ERICH2: variants seen among roughly 807,000 people sequenced by gnomAD.
The protein encoded by ERICH2 is glutamate-rich protein 2.
ERICH2 carries 17 observed loss-of-function variants against 17.4 expected under a neutral mutation model. The observed-to-expected ratio is 0.98, with a 90% CI of 0.67 to 1.47. ERICH2 has a LOEUF of 1.47. Ranked by LOEUF, ERICH2 falls within the 40% of genes most tolerant of loss-of-function variation. ERICH2 has a pLI of 0.00. For synonymous variants in ERICH2, 51 were observed against 61.1 expected, an observed-to-expected ratio of 0.83 and a Z score of 0.77; for missense variants, 186 against 183.2, an observed-to-expected ratio of 1.01 and a Z score of -0.09.
Position 170,795,372 on chromosome 2 carries a change from C to T in ERICH2, c.274+2452C>T, listed in dbSNP as rs541807383. On this transcript the variant is annotated intron_variant, in intron 3 of 4. Transcript: ENST00000409885. ...TATTATTATTACTATTTTTGAGGCA[C>T]GGTCTCACTCTGTCACCCAGGCTGG... 7.2e-4 allele frequency among the ~76,000 whole-genome samples: 106 copies of T among 147,466 alleles called. 1 individual carries two copies. The highest frequency in any genetic ancestry group is 2.5e-3 in the African/African-American group (101 of 40,032).
chr2:170,771,268 C>A, the ERICH2 span: 9 of 153,110 alleles, frequency 5.9e-5, no homozygotes, highest in African/African-American at 1.4e-4. The surrounding 1 kb of genome is among the most constrained non-coding windows in gnomAD (Gnocchi z 4.8). Context: ...AGCAGACCAC[C>A]CCCAGACCGG....
At position 170,796,428 on chromosome 2, in the gene ERICH2, G is replaced by GTTTT. The variant is rs869301301; in HGVS notation, c.275-1605_275-1602dup. 1.5e-3 allele frequency among the ~76,000 whole-genome samples: 177 copies of GTTTT among 114,544 alleles called. 4 individuals are homozygous for GTTTT. Among genetic ancestry groups the GTTTT allele is most frequent in the African/African-American group, 3.1e-3 (98 of 31,442 alleles). 75.1% of individuals were successfully genotyped at this position (114,544 alleles called of 152,430 possible). A position where few individuals can be genotyped will look rare whatever the true frequency, so the allele number is the denominator to read the frequency against. The stretch of plus-strand genomic sequence containing the variant: ...AATGGTTATCTCTCTCTCTCTCTTT[G>GTTTT]TTTTTTTTTTTGTTTTTTTTTTTTT... On this transcript the variant is annotated intron_variant, in intron 3 of 4. Transcript: ENST00000409885.
At chr2:170,784,671 T>C (rs1361164776) in exon 2 of ERICH2, 1 of 1,535,256 alleles carries the variant, frequency 6.5e-7, no homozygotes, top group African/African-American at 1.4e-5. Context: ...ATGCAGTCAT[T>C]GTAAAGCAGG....
chr2:170,789,553 C>T (rs933161463), intron 2 of ERICH2, among the ~76,000 whole-genome samples: 10 of 151,948 alleles, frequency 6.6e-5, no homozygotes, highest in East Asian at 1.9e-4. Context: ...CTCTTTATTT[C>T]GAATATCACA....
chr2:170,790,648 C>T (rs1481561322), intron 2 of ERICH2, among the ~76,000 whole-genome samples: 3 of 144,604 alleles, frequency 2.1e-5, no homozygotes, highest in Non-Finnish European at 3.1e-5. Flanking sequence ...AATAAAAATA[C>T]AAACAATTAG....
chr2:170,773,526 T>C, the ERICH2 span, among the ~76,000 whole-genome samples: 7,668 of 152,300 alleles, frequency 0.05, 272 homozygotes, highest in Middle Eastern at 0.11. Flanking sequence ...GGAAATTACA[T>C]TGTAGCCCCT....
intron 2 of ERICH2, 92 bp from the exon 8 acceptor site, chr2:170,792,771 C>A: frequency 1.3e-6 from 1 of 781,058 alleles, no homozygotes; most frequent in Non-Finnish European, 2.0e-6. Flanking sequence ...GTGTTAAAAG[C>A]AAAATAACTA....
intron 2 of ERICH2, among the ~76,000 whole-genome samples, chr2:170,790,952 T>G (rs1428746409): frequency 6.6e-6 from 1 of 151,842 alleles, no homozygotes; most frequent in African/African-American, 2.4e-5. Context: ...GAACTAAATA[T>G]TAATGCCAGA....
intron 2 of ERICH2, among the ~76,000 whole-genome samples, chr2:170,788,927 C>A (rs531313861): frequency 2.1e-5 from 3 of 143,520 alleles, no homozygotes; most frequent in African/African-American, 7.7e-5. Context: ...TATAGCCTAG[C>A]CATATTCTTC....
intron 2 of ERICH2, among the ~76,000 whole-genome samples, chr2:170,785,852 A>G (rs565074225): frequency 2.0e-5 from 3 of 152,318 alleles, no homozygotes; most frequent in East Asian, 3.9e-4. Context: ...TGATAATTCT[A>G]TGGAGAACAA....
the ERICH2 span, chr2:170,777,357 T>A: frequency 9.6e-7 from 1 of 1,044,632 alleles, no homozygotes; most frequent in Non-Finnish European, 1.2e-6. Flanking sequence ...TGCTAGTTTT[T>A]ATTTCTGCTT....
upstream of ERICH2, among the ~76,000 whole-genome samples, chr2:170,781,366 T>C (rs191634443): frequency 7.8e-3 from 1,189 of 152,254 alleles, 23 homozygotes; most frequent in African/African-American, 0.027. Context: ...CTGGGCACAG[T>C]GGTTCATGCC....
At chr2:170,773,803 G>A in the ERICH2 span, among the ~76,000 whole-genome samples, 1 of 152,166 alleles carries the variant, frequency 6.6e-6, no homozygotes, top group African/African-American at 2.4e-5. Flanking sequence ...ATAGCTCATT[G>A]TAACCTCAAG....
At chr2:170,796,423 T>TG in intron 3 of ERICH2, among the ~76,000 whole-genome samples, 1 of 63,934 alleles carries the variant, frequency 1.6e-5, no homozygotes, top group South Asian at 8.3e-4. Flanking sequence ...TCTCTCTCTC[T>TG]CTTTGTTTTT....
the ERICH2 span, chr2:170,777,975 T>A: frequency 3.2e-6 from 1 of 309,820 alleles, no homozygotes; most frequent in South Asian, 1.6e-4. Flanking sequence ...CATTGCTCAT[T>A]CCTATTTCCC....
intron 3 of ERICH2, 89 bp downstream of exon 8, chr2:170,793,009 G>A: frequency 2.8e-6 from 2 of 713,338 alleles, no homozygotes; most frequent in South Asian, 2.6e-5. Context: ...GATTATCATA[G>A]GTCTAGTGAA....
chr2:170,797,576 T>C (rs1366640040), intron 3 of ERICH2, among the ~76,000 whole-genome samples: 1 of 151,976 alleles, frequency 6.6e-6, no homozygotes, highest in Non-Finnish European at 1.5e-5. Context: ...GGTGGGTGGA[T>C]CACCTGAGGT....
At chr2:170,770,860 T>G in the ERICH2 span, 1 of 15,456 alleles carries the variant, frequency 6.5e-5, no homozygotes, top group Admixed American at 7.5e-4. Flanking sequence ...CGGACCCGCC[T>G]CCCAGCCCCG....
chr2:170,782,661 C>T (rs537494153), upstream of ERICH2, among the ~76,000 whole-genome samples: 162 of 152,236 alleles, frequency 1.1e-3, no homozygotes, highest in African/African-American at 3.7e-3. Flanking sequence ...ATTTAATAAC[C>T]AGAGTGAAAG....
Sources: gnomAD v4.1 joint callset for allele counts (sites outside exome capture counted in the v4.1 genomes callset) on GRCh38, gnomAD v4.1.1 for gene constraint, Gnocchi (gnomAD v3.1) non-coding constraint, MANE v1.5 for transcripts, NCBI Gene and HGNC (gene_info 2026-07-23, HGNC 2026-07-21) for gene names.